ASCC1: variants seen among roughly 807,000 people sequenced by gnomAD.
ASCC1 encodes ASC-1 complex subunit P50.
Under a neutral mutation model 46.6 loss-of-function variants are expected in ASCC1, and 35 were observed. That is an observed-to-expected ratio of 0.75 (90% CI 0.57 to 0.99). The LOEUF (loss-of-function observed/expected upper bound fraction) is 0.99. Ranked by LOEUF, ASCC1 falls within the 50% of genes least tolerant of loss-of-function variation. The pLI is 0.00. For synonymous variants in ASCC1, 143 were observed against 146.6 expected (o/e 0.98, Z 0.18); for missense variants, 376 against 428.7 (o/e 0.88, Z 1.09).
intron 9 of ASCC1, 97 bp downstream of exon 9, chr10:72,127,985 G>T: frequency 1.0e-6 from 1 of 965,316 alleles, no homozygotes; most frequent in Non-Finnish European, 1.7e-6. Context: ...GAAAAAGTAT[G>T]AAGAAGTATG....
intron 9 of ASCC1, chr10:72,102,211 G>C (rs565388793): frequency 6.4e-6 from 5 of 781,060 alleles, no homozygotes; most frequent in East Asian, 5.7e-5. Context: ...AATCAGTGAT[G>C]ATGGGTCCAA....
At position 72,163,293 on chromosome 10, in the gene ASCC1, G is replaced by A. The variant is rs904798514; in HGVS notation, c.490-1619C>T. Among the ~76,000 whole-genome samples the A allele has an allele frequency of 2.6e-5, 4 of 152,134 alleles. No individual in the cohort carries two copies. In the East Asian group the frequency reaches 7.7e-4, roughly 29 times the overall value. On this transcript the variant is annotated intron_variant, in intron 5 of 9. Coordinates refer to ENST00000672957, the MANE Select transcript of ASCC1 (RefSeq NM_001198800.3). Reference sequence around the variant, plus strand: ...GTATATGCCCAAGAGAACTGAAAAAGGGACTCAAATACATGTACATGCATG... The same window carrying A: ...GTATATGCCCAAGAGAACTGAAAAAAGGACTCAAATACATGTACATGCATG...
chr10:72,178,403 T>C (rs575410900), intron 5 of ASCC1, among the ~76,000 whole-genome samples: 2 of 152,316 alleles, frequency 1.3e-5, no homozygotes, highest in African/African-American at 4.8e-5. Flanking sequence ...GACTAATCTA[T>C]ACCCATGAGC....
chr10:72,172,819 A>C (rs12251952), intron 5 of ASCC1, among the ~76,000 whole-genome samples: 1 of 130,708 alleles, frequency 7.7e-6, no homozygotes, highest in African/African-American at 2.8e-5. Flanking sequence ...ATTATATATA[A>C]TATATATTTT....
intron 5 of ASCC1, among the ~76,000 whole-genome samples, chr10:72,173,526 G>T (rs1851492657): frequency 6.6e-6 from 1 of 152,218 alleles, no homozygotes; most frequent in South Asian, 2.1e-4. Context: ...GAGTCATAAG[G>T]GTTCAAATAA....
At chr10:72,172,798 T>C (rs1242658175) in intron 5 of ASCC1, among the ~76,000 whole-genome samples, 1 of 135,404 alleles carries the variant, frequency 7.4e-6, no homozygotes, top group Non-Finnish European at 1.5e-5. Context: ...TATTATATAT[T>C]ATATTTTTAT....
intron 9 of ASCC1, among the ~76,000 whole-genome samples, chr10:72,100,833 T>G (rs1010756401): frequency 2.0e-5 from 3 of 152,188 alleles, no homozygotes; most frequent in African/African-American, 7.2e-5. Context: ...GATAAATATC[T>G]GCTGGACAAA....
chr10:72,107,629 C>G (rs183827363), intron 9 of ASCC1, among the ~76,000 whole-genome samples: 1 of 152,220 alleles, frequency 6.6e-6, no homozygotes, highest in Non-Finnish European at 1.5e-5. Context: ...CTCCTCTACA[C>G]ACAGACACAC....
intron 1 of ASCC1, among the ~76,000 whole-genome samples, chr10:72,215,583 A>G (rs1391972654): frequency 6.6e-6 from 1 of 152,174 alleles, no homozygotes; most frequent in Non-Finnish European, 1.5e-5. Flanking sequence ...TTCTCAACGA[A>G]AAAAGACTTT....
intron 9 of ASCC1, among the ~76,000 whole-genome samples, chr10:72,123,133 C>T (rs979208101): frequency 6.6e-6 from 1 of 151,910 alleles, no homozygotes; most frequent in African/African-American, 2.4e-5. Context: ...GTCAGGAGAT[C>T]GAGACCATCC....
chr10:72,108,398 G>A (rs1842592038), intron 9 of ASCC1, among the ~76,000 whole-genome samples: 1 of 152,124 alleles, frequency 6.6e-6, no homozygotes, highest in African/African-American at 2.4e-5. Flanking sequence ...AGTTGGAAAG[G>A]AAGTGAAAAC....
intron 9 of ASCC1, among the ~76,000 whole-genome samples, chr10:72,118,142 C>A (rs981474232): frequency 2.7e-5 from 4 of 150,196 alleles, no homozygotes; most frequent in African/African-American, 9.8e-5. Flanking sequence ...CTGAGGCGGG[C>A]AGATCACAAG....
chr10:72,194,862 C>A (rs908544076), intron 5 of ASCC1, among the ~76,000 whole-genome samples: 2 of 152,004 alleles, frequency 1.3e-5, no homozygotes, highest in African/African-American at 4.8e-5. Context: ...CCTGCCTCAG[C>A]CTCTCAAGTA....
intron 9 of ASCC1, among the ~76,000 whole-genome samples, chr10:72,100,285 G>A (rs1198246250): frequency 6.6e-6 from 1 of 150,952 alleles, no homozygotes; most frequent in Non-Finnish European, 1.5e-5. Context: ...CTGGAGTGCA[G>A]TGGCGCGATC....
chr10:72,199,361 G>A (rs1460256725), intron 4 of ASCC1, among the ~76,000 whole-genome samples: 7 of 137,978 alleles, frequency 5.1e-5, no homozygotes, highest in East Asian at 2.3e-4. Context: ...GCAGTGGCAC[G>A]ATCTCGGCTC....
At chr10:72,114,822 C>CT (rs1843323878) in intron 9 of ASCC1, among the ~76,000 whole-genome samples, 1 of 152,022 alleles carries the variant, frequency 6.6e-6, no homozygotes. Flanking sequence ...AAACTCTAAC[C>CT]TCTAAGACAG....
intron 5 of ASCC1, among the ~76,000 whole-genome samples, chr10:72,191,256 G>A (rs1486956185): frequency 2.7e-5 from 4 of 147,982 alleles, no homozygotes; most frequent in Non-Finnish European, 5.9e-5. Context: ...TAGTAGAGAC[G>A]AGGTTTCACC....
chr10:72,099,039 A>C (rs542487767), intron 9 of ASCC1, among the ~76,000 whole-genome samples: 5 of 152,350 alleles, frequency 3.3e-5, no homozygotes, highest in African/African-American at 1.2e-4. Context: ...ATAACCAAAG[A>C]AGCAATAAAA....
chr10:72,210,158 C>CTTTT (rs766972971), intron 3 of ASCC1, among the ~76,000 whole-genome samples: 6,172 of 131,664 alleles, frequency 0.047, 371 homozygotes, highest in East Asian at 0.13. Flanking sequence ...AACCTCTTTT[C>CTTTT]TTTTTTTTTT....
Sources: allele counts gnomAD v4.1 joint callset (sites outside exome capture counted in the v4.1 genomes callset), GRCh38; gene constraint gnomAD v4.1.1; transcripts MANE v1.5; gene names NCBI Gene and HGNC (gene_info 2026-07-23, HGNC 2026-07-21).